The following LHFPL6 variants were observed in gnomAD, a reference collection of about 807,000 sequenced individuals.
LHFPL6 encodes LHFPL tetraspan subfamily member 6, also known as LHFPL tetraspan subfamily member 6 protein.
LHFPL6 carries 9 observed loss-of-function variants against 20.6 expected under a neutral mutation model. The observed-to-expected ratio is 0.44, with a 90% CI of 0.26 to 0.76. The LOEUF (loss-of-function observed/expected upper bound fraction) is 0.76. LHFPL6 is among the 30% of genes least tolerant of loss of function. The pLI, the probability that LHFPL6 is intolerant of heterozygous loss-of-function variation, is 0.20. For missense variants in LHFPL6, 218 were observed against 253.5 expected (o/e 0.86, Z 0.95); for synonymous variants, 105 against 98.7 (o/e 1.06, Z -0.38).
At chr13:39,479,032 GATATAGAT>G (rs771031343) in intron 2 of LHFPL6, among the ~76,000 whole-genome samples, 62 of 123,084 alleles carry the variant, frequency 5.0e-4, no homozygotes, top group African/African-American at 1.8e-3. Context: ...ATGGGAGATA[GATATAGAT>G]AGATAGATAG....
chr13:39,478,583 C>A (rs903793997), intron 2 of LHFPL6, among the ~76,000 whole-genome samples: 2 of 152,082 alleles, frequency 1.3e-5, no homozygotes, highest in African/African-American at 4.8e-5. Flanking sequence ...ATCTATGGGG[C>A]TGTTTCTGGA....
intron 2 of LHFPL6, among the ~76,000 whole-genome samples, chr13:39,492,884 T>C (rs904482994): frequency 2.0e-5 from 3 of 152,022 alleles, no homozygotes; most frequent in South Asian, 2.1e-4. Context: ...TTCTCTATGC[T>C]GGTCAGGCTT....
At chr13:39,418,846 C>T (rs1593305678) in intron 2 of LHFPL6, among the ~76,000 whole-genome samples, 1 of 152,142 alleles carries the variant, frequency 6.6e-6, no homozygotes, top group Non-Finnish European at 1.5e-5. Context: ...ACAGCCTTGC[C>T]GACTTTACAG....
chr13:39,545,654 T>C (rs1278846587), intron 2 of LHFPL6, among the ~76,000 whole-genome samples: 1 of 152,142 alleles, frequency 6.6e-6, no homozygotes, highest in Non-Finnish European at 1.5e-5. Context: ...TGAAATGGCA[T>C]ACTATTTGAA....
At chr13:39,442,697 T>C (rs1288426432) in intron 2 of LHFPL6, among the ~76,000 whole-genome samples, 1 of 152,260 alleles carries the variant, frequency 6.6e-6, no homozygotes, top group Non-Finnish European at 1.5e-5. Context: ...TCTGTAATTC[T>C]ATTCTTTTTT....
intron 2 of LHFPL6, among the ~76,000 whole-genome samples, chr13:39,555,113 T>C (rs1043756771): frequency 2.0e-5 from 3 of 152,174 alleles, no homozygotes; most frequent in Non-Finnish European, 4.4e-5. Context: ...TTCAAAATTC[T>C]AACAATATTA....
At chr13:39,413,571 A>G (rs1168799658) in intron 2 of LHFPL6, among the ~76,000 whole-genome samples, 5 of 133,010 alleles carry the variant, frequency 3.8e-5, no homozygotes, top group Admixed American at 1.7e-4. Flanking sequence ...GGCGTGTGTC[A>G]TCACAACCGA....
At chr13:39,372,880 T>C (rs1324428476) in intron 3 of LHFPL6, among the ~76,000 whole-genome samples, 1 of 152,196 alleles carries the variant, frequency 6.6e-6, no homozygotes, top group Non-Finnish European at 1.5e-5. Flanking sequence ...TTTTGTACCA[T>C]GGCTGATACT....
At chr13:39,590,244 G>A (rs768374687) in intron 2 of LHFPL6, among the ~76,000 whole-genome samples, 9 of 152,154 alleles carry the variant, frequency 5.9e-5, no homozygotes, top group Admixed American at 6.5e-5. Flanking sequence ...CCTTCAGGGT[G>A]CAGGACCCAA....
At chr13:39,581,307 G>T (rs1220852465) in intron 2 of LHFPL6, among the ~76,000 whole-genome samples, 1 of 152,092 alleles carries the variant, frequency 6.6e-6, no homozygotes, top group Non-Finnish European at 1.5e-5. Context: ...AAATTACACT[G>T]AAGTCAAATG....
intron 2 of LHFPL6, among the ~76,000 whole-genome samples, chr13:39,587,867 G>T (rs75592703): frequency 0.016 from 2,441 of 152,124 alleles, 72 homozygotes; most frequent in African/African-American, 0.056. Context: ...TCTGATGAGA[G>T]CTGGGATCAT....
At chr13:39,582,175 C>T (rs959946302) in intron 2 of LHFPL6, among the ~76,000 whole-genome samples, 4 of 152,152 alleles carry the variant, frequency 2.6e-5, no homozygotes, top group Non-Finnish European at 4.4e-5. Flanking sequence ...CCTCATTCTA[C>T]GAGGCTCATG....
At chr13:39,439,209 C>A (rs1291155429) in intron 2 of LHFPL6, among the ~76,000 whole-genome samples, 1 of 152,234 alleles carries the variant, frequency 6.6e-6, no homozygotes, top group Non-Finnish European at 1.5e-5. Context: ...GGATGTGAGA[C>A]ATGCAGTCAA....
chr13:39,428,315 G>A (rs1871696358), intron 2 of LHFPL6, among the ~76,000 whole-genome samples: 1 of 152,034 alleles, frequency 6.6e-6, no homozygotes, highest in Non-Finnish European at 1.5e-5. Context: ...AAGTTTCATA[G>A]AATTCATCAG....
intron 3 of LHFPL6, among the ~76,000 whole-genome samples, 174 bp from the exon 4 acceptor site, chr13:39,344,228 T>C (rs916760236): frequency 6.6e-6 from 1 of 152,180 alleles, no homozygotes; most frequent in Admixed American, 6.5e-5. Context: ...AAAGCAAGAA[T>C]GGCTGGATGC....
At chr13:39,556,124 C>T (rs893457730) in intron 2 of LHFPL6, among the ~76,000 whole-genome samples, 5 of 152,184 alleles carry the variant, frequency 3.3e-5, no homozygotes, top group Non-Finnish European at 7.3e-5. Context: ...GTTTCCTGTA[C>T]AGCCAGCAGA....
At chr13:39,355,933 T>C (rs896890262) in intron 3 of LHFPL6, among the ~76,000 whole-genome samples, 1 of 152,080 alleles carries the variant, frequency 6.6e-6, no homozygotes, top group Non-Finnish European at 1.5e-5. Context: ...CACACAAAAA[T>C]AGTGAGGGGT....
chr13:39,420,512 A>T (rs1364815175), intron 2 of LHFPL6, among the ~76,000 whole-genome samples: 1 of 152,238 alleles, frequency 6.6e-6, no homozygotes, highest in African/African-American at 2.4e-5. Context: ...CAAGATTTTT[A>T]AAATACATGA....
chr13:39,597,947 G>C (rs1220261192), intron 2 of LHFPL6, among the ~76,000 whole-genome samples: 1 of 152,200 alleles, frequency 6.6e-6, no homozygotes, highest in Admixed American at 6.5e-5. Flanking sequence ...CACAGCAGGC[G>C]GGGTTAAGCA....
Sources: gnomAD v4.1 joint callset for allele counts (sites outside exome capture counted in the v4.1 genomes callset) on GRCh38, gnomAD v4.1.1 for gene constraint, MANE v1.5 for transcripts, NCBI Gene and HGNC (gene_info 2026-07-23, HGNC 2026-07-21) for gene names.